The following NBEA variants were observed in gnomAD, a reference collection of about 807,000 sequenced individuals.
NBEA encodes neurobeachin.
In NBEA, 44 loss-of-function variants were observed where a neutral mutation model predicts 343.4. The observed-to-expected ratio is 0.13, with a 90% CI of 0.10 to 0.16. NBEA has a LOEUF of 0.16. NBEA is among the 10% of genes least tolerant of loss of function. NBEA has a pLI of 1.00. For synonymous variants in NBEA, 1,175 were observed against 1,238.7 expected, an observed-to-expected ratio of 0.95 and a Z score of 1.08; for missense variants, 2,555 against 3,631.3, an observed-to-expected ratio of 0.70 and a Z score of 7.62.
chr13:35,404,811 A>T (rs1461626854), intron 38 of NBEA, among the ~76,000 whole-genome samples: 5 of 152,158 alleles, frequency 3.3e-5, no homozygotes, highest in Non-Finnish European at 7.4e-5. Context: ...TTTACAAGCA[A>T]GAGTATTTTA....
In NBEA at chr13:35,182,366, A is replaced by G. The variant is rs761114125; in HGVS notation, c.4669A>G (p.Ser1557Gly). Residue 1557 changes from serine to glycine, a missense_variant, in exon 29 of 59, where the codon AGC becomes GGC. Around this residue, in one of 21 missense-constraint regions of NBEA, gnomAD observed 168 missense variants for 193.0 expected, o/e 0.87. Coordinates refer to ENST00000379939, the MANE Select transcript of NBEA (RefSeq NM_001385012.1). The stretch of plus-strand genomic sequence containing the variant: ...GTCTTTTCATTTTTCATAGGATGAT[A>G]GCAAACAAGCACAGTTCTTAGCTCT... ...RAVVFRDVDDSKQAQFLALAV... is the reference protein window; with the variant it reads ...RAVVFRDVDDGKQAQFLALAV... 6.3e-7 allele frequency: 1 copy of G among 1,599,940 alleles called. No homozygotes were observed. Among genetic ancestry groups the G allele is most frequent in the Non-Finnish European group, 8.5e-7 (1 of 1,175,056 alleles).
intron 36 of NBEA, among the ~76,000 whole-genome samples, chr13:35,312,429 A>G (rs2037431103): frequency 1.3e-5 from 2 of 152,332 alleles, no homozygotes; most frequent in South Asian, 2.1e-4. Flanking sequence ...GAGACATGTT[A>G]CTGGAGAGCT....
chr13:35,544,943 G>A (rs896688187), intron 41 of NBEA, among the ~76,000 whole-genome samples: 1 of 152,096 alleles, frequency 6.6e-6, no homozygotes, highest in Non-Finnish European at 1.5e-5. Flanking sequence ...GAAGAAACAG[G>A]CAGGCACAAG....
chr13:35,121,110 A>AT (rs1408013294), intron 16 of NBEA, among the ~76,000 whole-genome samples: 1 of 151,450 alleles, frequency 6.6e-6, no homozygotes, highest in Non-Finnish European at 1.5e-5. Flanking sequence ...GTTTTTTTTA[A>AT]TTTTTTAATT....
chr13:35,193,889 A>G (rs1361684472), intron 30 of NBEA, among the ~76,000 whole-genome samples: 2 of 151,922 alleles, frequency 1.3e-5, no homozygotes, highest in Non-Finnish European at 2.9e-5. Context: ...ATAACATTGC[A>G]TTGTGATAAA....
chr13:35,530,713 G>A (rs1398726157), intron 41 of NBEA, among the ~76,000 whole-genome samples: 2 of 151,170 alleles, frequency 1.3e-5, no homozygotes, highest in African/African-American at 2.4e-5. Context: ...TCATAAAATA[G>A]CAATACTTAA....
chr13:35,308,460 A>ATATATG (rs1555361022), intron 35 of NBEA, among the ~76,000 whole-genome samples: 18 of 112,022 alleles, frequency 1.6e-4, no homozygotes, highest in East Asian at 1.2e-3. Context: ...ATATATATAT[A>ATATATG]TATATATATA....
At chr13:35,583,317 A>G (rs371533635) in intron 45 of NBEA, among the ~76,000 whole-genome samples, 1 of 152,196 alleles carries the variant, frequency 6.6e-6, no homozygotes, top group East Asian at 1.9e-4. Context: ...AATGCTTTCC[A>G]AGGAATCCGA....
At chr13:35,113,464 T>A (rs1180189053) in intron 13 of NBEA, among the ~76,000 whole-genome samples, 4 of 152,162 alleles carry the variant, frequency 2.6e-5, no homozygotes, top group Non-Finnish European at 5.9e-5. Flanking sequence ...CCTACTTGTT[T>A]TAGTTTGTTG....
intron 36 of NBEA, among the ~76,000 whole-genome samples, chr13:35,310,666 A>G (rs1363606764): frequency 6.6e-6 from 1 of 152,224 alleles, no homozygotes; most frequent in Non-Finnish European, 1.5e-5. Context: ...TATAGCTTCT[A>G]TCAGCCCAAG....
chr13:35,331,079 T>C (rs1167277106), intron 36 of NBEA, among the ~76,000 whole-genome samples: 2 of 152,088 alleles, frequency 1.3e-5, no homozygotes, highest in Admixed American at 6.6e-5. Flanking sequence ...GCTTCATAAC[T>C]AAATAGCAAG....
In NBEA at chr13:35,189,162, A is replaced by G. The variant is rs1297193318; in HGVS notation, c.4927+5091A>G. 2.0e-5 allele frequency among the ~76,000 whole-genome samples: 3 copies of G among 151,676 alleles called. No individual in the cohort carries two copies. The East Asian group carries it at 5.8e-4, about 29-fold the overall frequency. On this transcript the variant is annotated intron_variant, in intron 30 of 58. Coordinates refer to ENST00000379939, the MANE Select transcript of NBEA (RefSeq NM_001385012.1). Reference sequence around the variant, plus strand: ...TTGAACTCCCCACCCCAAGTGATCCACCTGCCTGTGCCTCCCAAAGTGCTG... The same window carrying G: ...TTGAACTCCCCACCCCAAGTGATCCGCCTGCCTGTGCCTCCCAAAGTGCTG...
chr13:35,035,895 T>C (rs1421435347), intron 1 of NBEA, among the ~76,000 whole-genome samples: 1 of 152,054 alleles, frequency 6.6e-6, no homozygotes, highest in African/African-American at 2.4e-5. Flanking sequence ...TTTCAGTCTT[T>C]GTGTGTCTTT....
At chr13:35,007,060 T>A (rs541077817) in intron 1 of NBEA, among the ~76,000 whole-genome samples, 1 of 133,716 alleles carries the variant, frequency 7.5e-6, no homozygotes, top group South Asian at 2.7e-4. Flanking sequence ...TTAGCACTTT[T>A]CCTCTGATGT....
intron 34 of NBEA, among the ~76,000 whole-genome samples, chr13:35,283,330 A>G (rs1343929728): frequency 1.3e-5 from 2 of 152,160 alleles, no homozygotes; most frequent in East Asian, 3.8e-4. Context: ...GTATTGTGTA[A>G]CTACAATTAA....
At chr13:35,510,090 T>C (rs1443089107) in intron 41 of NBEA, among the ~76,000 whole-genome samples, 1 of 152,180 alleles carries the variant, frequency 6.6e-6, no homozygotes, top group Non-Finnish European at 1.5e-5. Flanking sequence ...CAACATACTT[T>C]TGAAAACATT....
chr13:35,240,779 T>C (rs1216909536), intron 34 of NBEA, among the ~76,000 whole-genome samples: 2 of 151,828 alleles, frequency 1.3e-5, no homozygotes, highest in Admixed American at 6.6e-5. Flanking sequence ...TGGTTTGTTA[T>C]AAGTAGGGAG....
At chr13:35,254,521 T>C (rs1218436566) in intron 34 of NBEA, among the ~76,000 whole-genome samples, 1 of 151,874 alleles carries the variant, frequency 6.6e-6, no homozygotes, top group African/African-American at 2.4e-5. Flanking sequence ...GGGGTCTCCC[T>C]ATGTTATCAA....
chr13:35,628,164 A>C lies in NBEA; in HGVS notation c.7533A>C (p.Ala2511=). 2 of 1,613,422 alleles carry C rather than the reference A, an allele frequency of 1.2e-6. No individual in the cohort carries two copies. The highest frequency in any genetic ancestry group is 4.5e-5 in the East Asian group (2 of 44,826). Residue 2511 remains alanine, a synonymous_variant, in exon 49 of 59, where the codon GCA becomes GCC. Coordinates refer to ENST00000379939, the MANE Select transcript of NBEA (RefSeq NM_001385012.1). Reference sequence around the variant, plus strand: ...GCTATAAGCAGCGAGGACCAGAAGCAGTTCGTGCTCTGAATGTTTTTCACT... The same window carrying C: ...GCTATAAGCAGCGAGGACCAGAAGCCGTTCGTGCTCTGAATGTTTTTCACT... ...IFGYKQRGPE[A]VRALNVFHYL...
Sources: gnomAD v4.1 joint callset for allele counts (sites outside exome capture counted in the v4.1 genomes callset) on GRCh38, gnomAD v4.1.1 for gene constraint, gnomAD v4.1.1 regional missense constraint, MANE v1.5 for transcripts, NCBI Gene and HGNC (gene_info 2026-07-23, HGNC 2026-07-21) for gene names.